Variants in CCNG1 observed in about 807,000 individuals in gnomAD.
CCNG1 encodes cyclin G1.
In CCNG1, 13 loss-of-function variants were observed where a neutral mutation model predicts 30.0. The observed-to-expected ratio is 0.43, with a 90% CI of 0.28 to 0.69. The LOEUF is 0.69. Among genes scored for constraint, CCNG1 ranks in the 30% least tolerant of loss-of-function variants. The probability of loss-of-function intolerance (pLI) is 0.16; values close to 1 mark genes in which losing one functional copy is unlikely to be tolerated. For synonymous variants in CCNG1, 110 were observed against 121.5 expected (o/e 0.91, Z 0.62); for missense variants, 285 against 331.4 (o/e 0.86, Z 1.09).
At chr5:163,441,527 G>T (rs1278539419) in intron 3 of CCNG1, 196 bp downstream of exon 3, 2 of 556,828 alleles carry the variant, frequency 3.6e-6, no homozygotes, top group African/African-American at 3.8e-5. Flanking sequence ...TAATTCTTGG[G>T]ATTAAAGTAC....
the CCNG1 span, among the ~76,000 whole-genome samples, chr5:163,456,390 C>G: frequency 6.6e-6 from 1 of 152,178 alleles, no homozygotes; most frequent in East Asian, 1.9e-4. Flanking sequence ...ATGACACATC[C>G]AAACTACAGA....
chr5:163,441,596 G>A (rs1757819630), intron 3 of CCNG1: 1 of 482,458 alleles, frequency 2.1e-6, no homozygotes, highest in Middle Eastern at 5.3e-4. Context: ...GGAAAAAAAG[G>A]ACCTTCAGTG....
rs563923077 is a variant in CCNG1, at chr5:163,437,606, C to T, written c.-199C>T. On this transcript the variant is annotated 5_prime_UTR_variant, in exon 1 of 7. Transcript: ENST00000340828. ...AGGGCAGGCGCGGCCCCTTCGGCTCCGAGCTGACCCTGATCAGGGCCGAGT... is the reference window on the plus strand; with the variant it reads ...AGGGCAGGCGCGGCCCCTTCGGCTCTGAGCTGACCCTGATCAGGGCCGAGT... The T allele has an allele frequency of 6.6e-6, 1 of 152,154 alleles. No individual in the cohort carries two copies. Among genetic ancestry groups the T allele is most frequent in the Non-Finnish European group, 1.5e-5 (1 of 68,090 alleles). 9.4% of individuals were successfully genotyped at this position (152,154 alleles called of 1,614,324 possible).
At position 163,443,780 on chromosome 5, in the gene CCNG1, C is replaced by G. The variant is rs1287347396; in HGVS notation, c.*110C>G. 1 of 1,219,652 alleles carries G rather than the reference C, an allele frequency of 8.2e-7. No individual in the cohort carries two copies. The highest frequency in any genetic ancestry group is 1.5e-5 in the African/African-American group (1 of 66,304). 75.6% of individuals were successfully genotyped at this position (1,219,652 alleles called of 1,614,324 possible). On this transcript the variant is annotated 3_prime_UTR_variant, in exon 7 of 7. Transcript: ENST00000340828. ...TAAGCTATGAAGCCTCAAAACATCA[C>G]GAGATAAGCATGATGGTCTCAGACT... is the stretch of plus-strand genomic sequence containing the variant.
chr5:163,454,494 A>G, the CCNG1 span, among the ~76,000 whole-genome samples: 1 of 152,104 alleles, frequency 6.6e-6, no homozygotes, highest in East Asian at 1.9e-4. Flanking sequence ...GGCATGTACC[A>G]CCATGCCTGG....
chr5:163,457,204 T>C, the CCNG1 span: 1 of 1,020,180 alleles, frequency 9.8e-7, no homozygotes, highest in Non-Finnish European at 1.4e-6. Context: ...TGATCTCGGC[T>C]CACTGAAACC....
At chr5:163,443,297 G>A (rs1274709089) in intron 6 of CCNG1, among the ~76,000 whole-genome samples, 1 of 135,372 alleles carries the variant, frequency 7.4e-6, no homozygotes, top group East Asian at 2.1e-4. Context: ...GGGCGACAGA[G>A]CAAGACTCCG....
chr5:163,446,466 G>A (rs1758039326), downstream of CCNG1: 1 of 152,160 alleles, frequency 6.6e-6, no homozygotes, highest in African/African-American at 2.4e-5. Flanking sequence ...CAGAGGCTGT[G>A]CTCTTAACCA....
chr5:163,441,962 A>G lies in CCNG1; in HGVS notation c.595A>G (p.Lys199Glu). 6.2e-7 allele frequency: 1 copy of G among 1,605,136 alleles called. No individual in the cohort carries two copies. The highest frequency in any genetic ancestry group is 1.1e-5 in the South Asian group (1 of 90,746). Residue 199 changes from lysine (K) to glutamate (E), a missense_variant and splice_region_variant, in exon 4 of 7, where the codon AAG becomes GAG. By Grantham distance (56) the Lys-to-Glu change is moderately conservative. Coordinates refer to ENST00000340828, the MANE Select transcript of CCNG1 (RefSeq NM_004060.4). ...CHCRIIFSKA[K>E]PSVLALSIIA... is the part of the protein sequence containing the mutation. Reference sequence around the variant, plus strand: ...TTGCAGGATCATATTTTCTAAAGCAAAGGTAAATATTTTATAAAGATTATG... The same window carrying G: ...TTGCAGGATCATATTTTCTAAAGCAGAGGTAAATATTTTATAAAGATTATG...
the CCNG1 span, chr5:163,457,090 AAAC>A: frequency 1.5e-5 from 24 of 1,586,236 alleles, no homozygotes; most frequent in Admixed American, 7.4e-5. Flanking sequence ...TCTAAAAAAA[AAAC>A]ACACACACAC....
downstream of CCNG1, chr5:163,447,853 G>A (rs969308591): frequency 1.3e-5 from 2 of 152,158 alleles, no homozygotes; most frequent in African/African-American, 4.8e-5. Flanking sequence ...ATACTACAGG[G>A]AAGTCTTAAA....
At chr5:163,445,265 G>C (rs1352131107), downstream of CCNG1, among the ~76,000 whole-genome samples, 1 of 151,988 alleles carries the variant, frequency 6.6e-6, no homozygotes, top group Non-Finnish European at 1.5e-5. Context: ...ACTAAAGTTA[G>C]ATGCATAGTA....
At chr5:163,456,551 C>A in the CCNG1 span, among the ~76,000 whole-genome samples, 1 of 151,972 alleles carries the variant, frequency 6.6e-6, no homozygotes, top group African/African-American at 2.4e-5. Flanking sequence ...ACAAAACAAG[C>A]AATAGCCAAC....
chr5:163,439,744 A>C, intron 2 of CCNG1: 2 of 421,798 alleles, frequency 4.7e-6, no homozygotes, highest in Non-Finnish European at 8.3e-6. Flanking sequence ...ATCAAGTAAC[A>C]AATTGCAGTT....
chr5:163,449,015 T>G (rs1440019883), downstream of CCNG1: 4 of 152,274 alleles, frequency 2.6e-5, no homozygotes, highest in East Asian at 7.7e-4. Context: ...AAACAATGCT[T>G]TCAAAATCCT....
At chr5:163,445,294 C>T (rs548700279), downstream of CCNG1, among the ~76,000 whole-genome samples, 1 of 152,058 alleles carries the variant, frequency 6.6e-6, no homozygotes, top group Admixed American at 6.6e-5. Flanking sequence ...AATAAAATCC[C>T]CATTAATAAT....
chr5:163,448,778 G>C (rs1421550231), downstream of CCNG1: 1 of 152,172 alleles, frequency 6.6e-6, no homozygotes, highest in Admixed American at 6.5e-5. Context: ...CCATGACCAA[G>C]TTTGGGGTTG....
downstream of CCNG1, chr5:163,449,213 T>C (rs1406617593): frequency 6.6e-6 from 1 of 152,062 alleles, no homozygotes; most frequent in Admixed American, 6.6e-5. Flanking sequence ...AAGAATAAAA[T>C]AAAACTGTTT....
chr5:163,457,175 A>T, the CCNG1 span: 9 of 1,271,570 alleles, frequency 7.1e-6, no homozygotes, highest in Non-Finnish European at 9.4e-6. Flanking sequence ...ACTCTCACCC[A>T]GGCTGGAGTG....
Sources: gnomAD v4.1 joint callset for allele counts (sites outside exome capture counted in the v4.1 genomes callset) on GRCh38, gnomAD v4.1.1 for gene constraint, MANE v1.5 for transcripts, NCBI Gene and HGNC (gene_info 2026-07-23, HGNC 2026-07-21) for gene names.